The following ITIH5 variants were observed in gnomAD, a reference collection of about 807,000 sequenced individuals.
The protein encoded by ITIH5 is inter-alpha-trypsin inhibitor heavy chain 5.
In ITIH5, 65 loss-of-function variants were observed where a neutral mutation model predicts 77.5. The observed-to-expected ratio is 0.84, with a 90% CI of 0.69 to 1.03. The LOEUF (loss-of-function observed/expected upper bound fraction) is 1.03, where lower values mean the gene tolerates loss of function less well. Among genes scored for constraint, ITIH5 ranks in the 50% least tolerant of loss-of-function variants. The probability of loss-of-function intolerance (pLI) is 0.00; values close to 1 mark genes in which losing one functional copy is unlikely to be tolerated. For missense variants in ITIH5, 1,208 were observed against 1,213.1 expected, an observed-to-expected ratio of 1.00 and a Z score of 0.06; for synonymous variants, 525 against 494.3, an observed-to-expected ratio of 1.06 and a Z score of -0.82.
chr10:7,627,330 TA>T (rs55799504), intron 5 of ITIH5, among the ~76,000 whole-genome samples: 82,405 of 131,170 alleles, frequency 0.63, 26,543 homozygotes, highest in Admixed American at 0.74. Context: ...GAAGATAAAG[TA>T]AAAAAAAAAA....
intron 11 of ITIH5, chr10:7,570,427 T>A (rs1044144248): frequency 2.6e-5 from 4 of 152,286 alleles, no homozygotes; most frequent in African/African-American, 9.6e-5. Context: ...TTCACTGCTC[T>A]GAAATTTCTG....
intron 6 of ITIH5, among the ~76,000 whole-genome samples, chr10:7,616,425 G>A (rs771425706): frequency 2.6e-5 from 4 of 152,002 alleles, no homozygotes; most frequent in African/African-American, 4.8e-5. Flanking sequence ...CTTACAAGTT[G>A]AGACATCAAG....
At chr10:7,594,619 G>A (rs1832858897) in intron 7 of ITIH5, among the ~76,000 whole-genome samples, 2 of 152,096 alleles carry the variant, frequency 1.3e-5, no homozygotes, top group Admixed American at 1.3e-4. Flanking sequence ...TTCGCGAGGG[G>A]ATTAAGTGTC....
chr10:7,626,001 A>G (rs911181702), intron 5 of ITIH5, among the ~76,000 whole-genome samples: 1 of 152,214 alleles, frequency 6.6e-6, no homozygotes, highest in African/African-American at 2.4e-5. Context: ...GAAAATGATG[A>G]AATGCATTAG....
intron 7 of ITIH5, among the ~76,000 whole-genome samples, chr10:7,598,454 T>C (rs1305153258): frequency 6.6e-6 from 1 of 152,238 alleles, no homozygotes; most frequent in Non-Finnish European, 1.5e-5. Flanking sequence ...GAAGTAAATG[T>C]AGAAAACATT....
At chr10:7,601,551 A>G (rs2131007258) in intron 7 of ITIH5, among the ~76,000 whole-genome samples, 1 of 152,290 alleles carries the variant, frequency 6.6e-6, no homozygotes, top group East Asian at 1.9e-4. Context: ...TCTCAGCAGC[A>G]TCGACCTCCC....
chr10:7,620,584 G>A (rs1045272180), intron 5 of ITIH5: 2 of 152,210 alleles, frequency 1.3e-5, no homozygotes, highest in Non-Finnish European at 2.9e-5. Flanking sequence ...CGTTTATGGT[G>A]TATGTACACC....
rs748029651 is a variant in ITIH5, at chr10:7,640,770, T to C, written c.385A>G (p.Thr129Ala). The C allele has an allele frequency of 8.7e-6, 14 of 1,611,542 alleles. No individual in the cohort carries two copies. The highest frequency in any genetic ancestry group is 2.2e-5 in the East Asian group (1 of 44,846). Reference protein sequence around the residue: ...GDRVKEKRNKTTEENGEKGTE... With the variant: ...GDRVKEKRNKATEENGEKGTE... Reference sequence around the variant, plus strand: ...AATACTTACCCATTTTCTTCTGTGGTTTTATTCCTTTTCTCTTTTACCCTA... The same window carrying C: ...AATACTTACCCATTTTCTTCTGTGGCTTTATTCCTTTTCTCTTTTACCCTA... Residue 129 changes from threonine to alanine, a missense_variant, in exon 4 of 14, where the codon ACC becomes GCC. Transcript: ENST00000397146.
chr10:7,661,998 G>A (rs1157576231), intron 1 of ITIH5, among the ~76,000 whole-genome samples: 2 of 152,152 alleles, frequency 1.3e-5, no homozygotes, highest in Non-Finnish European at 2.9e-5. Context: ...CACTGTGCCT[G>A]GCCGATTAAA....
intron 8 of ITIH5, among the ~76,000 whole-genome samples, chr10:7,581,697 C>T (rs1832555647): frequency 6.7e-6 from 1 of 148,164 alleles, no homozygotes; most frequent in African/African-American, 2.5e-5. Flanking sequence ...AAAGAATGTT[C>T]CCATGTTTTC....
In ITIH5 at chr10:7,637,447, C is replaced by T; in HGVS notation, c.433G>A (p.Ala145Thr). The T allele has an allele frequency of 6.2e-7, 1 of 1,614,114 alleles. No homozygotes were observed. The highest frequency in any genetic ancestry group is 8.5e-7 in the Non-Finnish European group (1 of 1,179,988). Residue 145 changes from alanine to threonine, a missense_variant, in exon 5 of 14, where the codon GCA becomes ACA. Transcript: ENST00000397146. The part of the protein sequence containing the change: ...EKGTEIFRAS[A>T]VIPSKDKAAF... ...GCTTTGTCCTTGCTGGGAATCACTG[C>T]AGAAGCTCTGAATATTTCAGTCCCC...
chr10:7,663,128 G>A (rs1388404130), intron 1 of ITIH5, among the ~76,000 whole-genome samples: 1 of 152,190 alleles, frequency 6.6e-6, no homozygotes, highest in African/African-American at 2.4e-5. Context: ...ATGGCTTGCT[G>A]TTTGAAGGAT....
intron 5 of ITIH5, among the ~76,000 whole-genome samples, chr10:7,628,894 T>C (rs79591256): frequency 0.12 from 15,781 of 135,276 alleles, 1,839 homozygotes; most frequent in African/African-American, 0.26. Context: ...TGTGTCCGTG[T>C]TGTGGCATGC....
At chr10:7,662,126 G>A (rs1413595778) in intron 1 of ITIH5, among the ~76,000 whole-genome samples, 5 of 152,298 alleles carry the variant, frequency 3.3e-5, no homozygotes, top group Admixed American at 3.3e-4. Flanking sequence ...GGGAGGTCAA[G>A]GCAGGCCGAT....
chr10:7,563,092 C>T lies in ITIH5; in HGVS notation c.2820G>A (p.Arg940=), dbSNP rs907204199. Residue 940 remains arginine, a synonymous_variant, in exon 14 of 14, where the codon AGG becomes AGA. Coordinates refer to ENST00000397146, the MANE Select transcript of ITIH5 (RefSeq NM_030569.7). ...TTTAAGGCTGCCAGCTTCAGAGCTC[C>T]CTGGACATTCCCCGGCCAAGTGTCA... is the stretch of plus-strand genomic sequence containing the variant. ...TGMTLGRGMS[R]EL 4 of 1,612,032 alleles carry T rather than the reference C, an allele frequency of 2.5e-6. No homozygotes were observed. Among genetic ancestry groups the T allele is most frequent in the Non-Finnish European group, 2.5e-6 (3 of 1,179,674 alleles).
At position 7,580,089 on chromosome 10, in the gene ITIH5, C is replaced by T. The variant is rs1250298791; in HGVS notation, c.1109-25G>A. 5 of 1,552,602 alleles carry T rather than the reference C, an allele frequency of 3.2e-6. No individual in the cohort carries two copies. The South Asian group carries it at 4.6e-5, about 14-fold the overall frequency. On this transcript the variant is annotated intron_variant, in intron 8 of 13. Coordinates refer to ENST00000397146, the MANE Select transcript of ITIH5 (RefSeq NM_030569.7). ...CCTGCAGGACACCAACACGGAACAGCTCAAGCCTCTGCACTCACCTCCGCA... is the reference window on the plus strand; with the variant it reads ...CCTGCAGGACACCAACACGGAACAGTTCAAGCCTCTGCACTCACCTCCGCA...
At chr10:7,613,627 G>T (rs1833302205) in intron 7 of ITIH5, among the ~76,000 whole-genome samples, 1 of 152,090 alleles carries the variant, frequency 6.6e-6, no homozygotes, top group African/African-American at 2.4e-5. Context: ...AACAAATGGG[G>T]TTTTAAAAAA....
intron 5 of ITIH5, chr10:7,622,072 G>A (rs1187540478): frequency 6.6e-6 from 1 of 152,184 alleles, no homozygotes; most frequent in Non-Finnish European, 1.5e-5. Flanking sequence ...TCTTCATGCA[G>A]GCATTGGTGA....
In ITIH5 at chr10:7,561,161, CA is replaced by C. The variant is rs1782991833; in HGVS notation, c.*1921del. On this transcript the variant is annotated 3_prime_UTR_variant, in exon 14 of 14. Transcript: ENST00000397146. ...ACTTTGTTACTTATGTTTTTCTGAG[CA>C]AGCAAGTTAGCTATGGATAGCTCAT... 1 of 152,126 alleles carries C rather than the reference CA, an allele frequency of 6.6e-6. No homozygotes were observed. The highest frequency in any genetic ancestry group is 6.5e-5 in the Admixed American group (1 of 15,278). The allele number at this position is 152,126 out of a possible 1,614,324, so 9.4% of individuals were successfully genotyped here.
Sources: gnomAD v4.1 joint callset for allele counts (sites outside exome capture counted in the v4.1 genomes callset) on GRCh38, gnomAD v4.1.1 for gene constraint, MANE v1.5 for transcripts, NCBI Gene and HGNC (gene_info 2026-07-23, HGNC 2026-07-21) for gene names.